Variants in DSCAML1 observed in about 807,000 individuals in gnomAD.
DSCAML1 encodes the protein DS cell adhesion molecule like 1, also known as cell adhesion molecule DSCAML1.
In DSCAML1, 38 loss-of-function variants were observed where a neutral mutation model predicts 200.5. The ratio of observed to expected loss-of-function variants is 0.19; its 90% CI spans 0.15 to 0.25. The LOEUF is 0.25. Among genes scored for constraint, DSCAML1 ranks in the 10% least tolerant of loss-of-function variants. DSCAML1 has a pLI of 1.00. For synonymous variants in DSCAML1, 1,215 were observed against 1,165.0 expected (o/e 1.04, Z -0.87); for missense variants, 2,223 against 2,858.8 (o/e 0.78, Z 5.07).
chr11:117,814,279 T>C (rs984938492), intron 1 of DSCAML1, among the ~76,000 whole-genome samples: 4 of 152,230 alleles, frequency 2.6e-5, no homozygotes, highest in African/African-American at 9.7e-5. Context: ...TAAACAGCCA[T>C]GTTGCTCACA....
chr11:117,576,223 G>T (rs1034023070), intron 3 of DSCAML1, among the ~76,000 whole-genome samples: 1 of 152,178 alleles, frequency 6.6e-6, no homozygotes, highest in Non-Finnish European at 1.5e-5. Context: ...TGCCTTGAGA[G>T]GGGTGATTGG....
intron 3 of DSCAML1, among the ~76,000 whole-genome samples, chr11:117,640,844 C>A (rs557121497): frequency 9.2e-5 from 14 of 152,172 alleles, no homozygotes; most frequent in African/African-American, 3.1e-4. Context: ...TTGCAACTCA[C>A]TGAGATGTGT....
At chr11:117,550,672 C>G (rs967255882) in intron 3 of DSCAML1, among the ~76,000 whole-genome samples, 6 of 152,352 alleles carry the variant, frequency 3.9e-5, no homozygotes, top group African/African-American at 1.4e-4. Flanking sequence ...GCCTCCCCAC[C>G]TTGGCATTGG....
At chr11:117,443,527 C>T (rs900513065) in intron 21 of DSCAML1, among the ~76,000 whole-genome samples, 9 of 152,256 alleles carry the variant, frequency 5.9e-5, no homozygotes, top group African/African-American at 2.2e-4. Flanking sequence ...GCAGCACACC[C>T]GGCTGTAGCC....
intron 3 of DSCAML1, among the ~76,000 whole-genome samples, chr11:117,732,786 A>AATT (rs908063959): frequency 6.6e-6 from 1 of 152,108 alleles, no homozygotes; most frequent in African/African-American, 2.4e-5. Context: ...AAAAGCCAGG[A>AATT]ATTATTATTA....
chr11:117,778,923 G>C (rs1376962810), intron 2 of DSCAML1, among the ~76,000 whole-genome samples: 1 of 152,224 alleles, frequency 6.6e-6, no homozygotes, highest in East Asian at 1.9e-4. Flanking sequence ...GCATATCTCT[G>C]TGTTCTAAGA....
intron 3 of DSCAML1, among the ~76,000 whole-genome samples, chr11:117,650,084 A>T (rs905195756): frequency 6.6e-5 from 10 of 151,536 alleles, no homozygotes; most frequent in African/African-American, 2.4e-4. Context: ...CAGGCAAGGG[A>T]CTAGAGCTGT....
chr11:117,546,880 G>C (rs575226286), intron 3 of DSCAML1, among the ~76,000 whole-genome samples: 1 of 152,250 alleles, frequency 6.6e-6, no homozygotes, highest in African/African-American at 2.4e-5. Context: ...AAACTGGAGC[G>C]CTCCCAGGCT....
intron 3 of DSCAML1, among the ~76,000 whole-genome samples, chr11:117,603,921 T>C (rs1432843435): frequency 6.6e-6 from 1 of 152,236 alleles, no homozygotes; most frequent in South Asian, 2.1e-4. Flanking sequence ...ATATCTTATT[T>C]GTAATCGCTA....
chr11:117,570,789 T>C (rs1591278092), intron 3 of DSCAML1, among the ~76,000 whole-genome samples: 1 of 152,218 alleles, frequency 6.6e-6, no homozygotes, highest in Non-Finnish European at 1.5e-5. Flanking sequence ...CTGAGGGTCA[T>C]GACCCTTCAC....
chr11:117,716,538 G>A (rs1409142361), intron 3 of DSCAML1, among the ~76,000 whole-genome samples: 1 of 152,144 alleles, frequency 6.6e-6, no homozygotes, highest in Non-Finnish European at 1.5e-5. Context: ...CAGAACAGGT[G>A]GGCGTGCCTA....
chr11:117,484,918 T>A (rs1258351302), intron 11 of DSCAML1, among the ~76,000 whole-genome samples: 3 of 150,688 alleles, frequency 2.0e-5, no homozygotes, highest in Non-Finnish European at 4.4e-5. Flanking sequence ...TGTGTGTGTG[T>A]GTGTGTGTGT....
intron 3 of DSCAML1, among the ~76,000 whole-genome samples, chr11:117,702,210 T>C (rs557545001): frequency 6.6e-6 from 1 of 152,072 alleles, no homozygotes; most frequent in Non-Finnish European, 1.5e-5. Flanking sequence ...ACGGCCCACA[T>C]TGCTTTTAGG....
At chr11:117,797,275 A>G (rs1009314427), upstream of DSCAML1, 43 of 1,352,716 alleles carry the variant, frequency 3.2e-5, no homozygotes, top group Non-Finnish European at 1.9e-6. Context: ...GGGCTGGGCT[A>G]GGCGGCCGCT....
chr11:117,625,865 T>G (rs772485487), intron 3 of DSCAML1, among the ~76,000 whole-genome samples: 6 of 152,172 alleles, frequency 3.9e-5, no homozygotes, highest in Non-Finnish European at 7.4e-5. Context: ...CCAAATGCCA[T>G]CAATGTCCCC....
intron 3 of DSCAML1, among the ~76,000 whole-genome samples, chr11:117,757,728 C>T (rs2054720944): frequency 6.6e-6 from 1 of 151,788 alleles, no homozygotes; most frequent in South Asian, 2.1e-4. Flanking sequence ...CTGTAATCCT[C>T]AAAATCACCT....
At chr11:117,552,539 C>T (rs2050487516) in intron 3 of DSCAML1, among the ~76,000 whole-genome samples, 1 of 152,106 alleles carries the variant, frequency 6.6e-6, no homozygotes, top group African/African-American at 2.4e-5. Flanking sequence ...CACTTAATCT[C>T]TCTGGGCAAT....
intron 1 of DSCAML1, among the ~76,000 whole-genome samples, chr11:117,806,114 G>T (rs183434387): frequency 1.3e-5 from 2 of 152,328 alleles, no homozygotes; most frequent in Admixed American, 6.5e-5. Flanking sequence ...GGTCTTTGAT[G>T]ACTGTTTGTC....
intron 4 of DSCAML1, among the ~76,000 whole-genome samples, chr11:117,527,627 C>T (rs2050000746): frequency 6.6e-6 from 1 of 152,198 alleles, no homozygotes; most frequent in Non-Finnish European, 1.5e-5. Context: ...TGCCTGGGAT[C>T]ACAACATGGA....
Sources: allele counts gnomAD v4.1 joint callset (sites outside exome capture counted in the v4.1 genomes callset), GRCh38; gene constraint gnomAD v4.1.1; transcripts MANE v1.5; gene names NCBI Gene and HGNC (gene_info 2026-07-23, HGNC 2026-07-21).